PCGF6: variants seen among roughly 807,000 people sequenced by gnomAD.
PCGF6 encodes the protein polycomb group ring finger 6.
Under a neutral mutation model 45.5 loss-of-function variants are expected in PCGF6, and 24 were observed. The ratio of observed to expected loss-of-function variants is 0.53; its 90% CI spans 0.38 to 0.74. PCGF6 has a LOEUF of 0.74. PCGF6 is among the 30% of genes least tolerant of loss of function. The pLI is 0.00. For missense variants in PCGF6, 356 were observed against 443.2 expected, an observed-to-expected ratio of 0.80 and a Z score of 1.77; for synonymous variants, 152 against 162.1, an observed-to-expected ratio of 0.94 and a Z score of 0.47.
At chr10:103,307,052 C>T (rs1428423368) in intron 9 of PCGF6, among the ~76,000 whole-genome samples, 1 of 151,856 alleles carries the variant, frequency 6.6e-6, no homozygotes, top group Non-Finnish European at 1.5e-5. Context: ...TGCAGTGAGC[C>T]AAGATCATGC....
At chr10:103,323,820 G>C (rs2093206525) in intron 8 of PCGF6, among the ~76,000 whole-genome samples, 1 of 152,020 alleles carries the variant, frequency 6.6e-6, no homozygotes, top group Non-Finnish European at 1.5e-5. Context: ...CCTGACCTCA[G>C]GTGATCCACC....
At chr10:103,338,205 C>T (rs183211513) in intron 6 of PCGF6, among the ~76,000 whole-genome samples, 3 of 152,002 alleles carry the variant, frequency 2.0e-5, no homozygotes, top group Admixed American at 2.0e-4. Flanking sequence ...CATGCCACTG[C>T]ACTCCAGCCT....
At chr10:103,322,907 A>G (rs1312314317) in intron 8 of PCGF6, among the ~76,000 whole-genome samples, 1 of 151,976 alleles carries the variant, frequency 6.6e-6, no homozygotes, top group Non-Finnish European at 1.5e-5. Flanking sequence ...AAAAAACAAA[A>G]AAAAAAACAA....
chr10:103,347,154 C>A, intron 5 of PCGF6, 84 bp downstream of exon 5: 1 of 1,051,168 alleles, frequency 9.5e-7, no homozygotes, highest in Non-Finnish European at 1.4e-6. Context: ...ATAAGCTACC[C>A]CCAAAAGGAA....
At chr10:103,347,192 G>A (rs1170138453) in intron 5 of PCGF6, 46 bp downstream of exon 5, 1 of 1,414,642 alleles carries the variant, frequency 7.1e-7, no homozygotes. Context: ...TTTATTGTTA[G>A]TATTCTTTAA....
At chr10:103,340,196 A>ATAT (rs1397610873) in intron 6 of PCGF6, among the ~76,000 whole-genome samples, 345 of 99,736 alleles carry the variant, frequency 3.5e-3, no homozygotes, top group Middle Eastern at 5.6e-3. Context: ...AAAAAAAAAA[A>ATAT]AAATATATAT....
At chr10:103,339,295 C>T (rs752960234) in intron 6 of PCGF6, among the ~76,000 whole-genome samples, 1 of 151,848 alleles carries the variant, frequency 6.6e-6, no homozygotes, top group Non-Finnish European at 1.5e-5. Context: ...GAGGCTGAGG[C>T]GAGAGGATTG....
intron 9 of PCGF6, among the ~76,000 whole-genome samples, chr10:103,310,608 A>G (rs893219700): frequency 3.3e-5 from 5 of 152,212 alleles, no homozygotes; most frequent in African/African-American, 1.2e-4. Context: ...AGAAAAAAAG[A>G]TAATTCTTAT....
At chr10:103,318,652 G>A (rs921223687) in intron 8 of PCGF6, among the ~76,000 whole-genome samples, 2 of 151,660 alleles carry the variant, frequency 1.3e-5, no homozygotes, top group East Asian at 3.9e-4. Context: ...GGCTGAGGCA[G>A]AGAATGGCTT....
intron 6 of PCGF6, among the ~76,000 whole-genome samples, chr10:103,336,493 G>A (rs1301455941): frequency 2.0e-5 from 3 of 152,022 alleles, no homozygotes; most frequent in African/African-American, 7.2e-5. Context: ...AGAATACTTG[G>A]TACATGGGCA....
intron 6 of PCGF6, among the ~76,000 whole-genome samples, chr10:103,336,450 A>C (rs1564732110): frequency 6.6e-6 from 1 of 152,146 alleles, no homozygotes. Flanking sequence ...TTATAAAATA[A>C]AACATCCCAT....
intron 3 of PCGF6, 25 bp downstream of exon 3, chr10:103,348,691 A>C (rs376319280): frequency 4.2e-6 from 6 of 1,428,702 alleles, no homozygotes; most frequent in Non-Finnish European, 5.8e-6. Context: ...TTAAAATACA[A>C]TTGTAATTTA....
chr10:103,315,056 A>G (rs941959161), intron 8 of PCGF6, among the ~76,000 whole-genome samples: 5 of 151,670 alleles, frequency 3.3e-5, no homozygotes, highest in Non-Finnish European at 7.4e-5. Context: ...GGAATATCTC[A>G]TTTTCCAACA....
In PCGF6 at chr10:103,350,939, T is replaced by G. The variant is rs1401351476; in HGVS notation, c.128A>C (p.Glu43Ala). Residue 43 changes from glutamate to alanine, a missense_variant, in exon 1 of 10, where the codon GAG becomes GCG. Physicochemically the swap from Glu to Ala is moderately radical, Grantham distance 107. This residue lies in a region of PCGF6 where 307 missense variants were observed against 350.1 expected (regional missense o/e 0.88). Coordinates refer to ENST00000369847, the MANE Select transcript of PCGF6 (RefSeq NM_001011663.2). ...CGTCTCAGACAGAGGCGCCGGTCCC[T>G]CCTCACCCGCTGCGGGTGCAGGGGT... ...ALTPAPAAGE[E>A]GPAPLSETGA... 2.3e-5 allele frequency: 34 copies of G among 1,497,284 alleles called. No homozygotes were observed. Among genetic ancestry groups the G allele is most frequent in the African/African-American group, 2.9e-5 (2 of 68,748 alleles). 92.7% of individuals were successfully genotyped at this position (1,497,284 alleles called of 1,614,324 possible). A position where few individuals can be genotyped will look rare whatever the true frequency, so the allele number is the denominator to read the frequency against.
chr10:103,337,871 C>T lies in PCGF6; in HGVS notation c.783-3919G>A, dbSNP rs1470022548. Among the ~76,000 whole-genome samples the T allele has an allele frequency of 9.8e-5, 10 of 101,840 alleles. 3 individuals carry two copies. The highest frequency in any genetic ancestry group is 4.1e-4 in the Admixed American group (4 of 9,804). 66.8% of individuals were successfully genotyped at this position (101,840 alleles called of 152,430 possible). A position where few individuals can be genotyped will look rare whatever the true frequency, so the allele number is the denominator to read the frequency against. ...CGAGGTCAGGAGATCGAGACCATCC[C>T]GGCTAAAACGGCGAAACCCCGTCTC... On this transcript the variant is annotated intron_variant, in intron 6 of 9. Transcript: ENST00000369847.
chr10:103,307,558 G>C (rs1356341758), intron 9 of PCGF6, among the ~76,000 whole-genome samples: 2 of 152,188 alleles, frequency 1.3e-5, no homozygotes, highest in African/African-American at 4.8e-5. Flanking sequence ...CAACAGCCCT[G>C]AACTCCCAGG....
intron 6 of PCGF6, among the ~76,000 whole-genome samples, chr10:103,336,997 G>A (rs1003676858): frequency 4.6e-5 from 7 of 152,048 alleles, no homozygotes; most frequent in Admixed American, 4.6e-4. Context: ...CTTTTATTTG[G>A]TAACCCTTTA....
At position 103,314,191 on chromosome 10, in the gene PCGF6, T is replaced by C. The variant is rs765641622; in HGVS notation, c.991A>G (p.Met331Val). 10 of 1,596,270 alleles carry C rather than the reference T, an allele frequency of 6.3e-6. No individual in the cohort carries two copies. The highest frequency in any genetic ancestry group is 1.7e-4 in the Middle Eastern group (1 of 6,024). Residue 331 changes from methionine to valine, a missense_variant, in exon 9 of 10, where the codon ATG (methionine) becomes GTG (valine). Around this residue, in one of 2 missense-constraint regions of PCGF6, gnomAD observed 49 missense variants for 93.0 expected, o/e 0.53. Transcript: ENST00000369847. ...EIRRAIGDAA[M>V]QDGLLVLHYG... is the part of the protein sequence containing the mutation. ...TGGGTATGTCTATAACCTACCTGCATTGCTGCATCACCTATTGCACGTCGG... is the reference window on the plus strand; with the variant it reads ...TGGGTATGTCTATAACCTACCTGCACTGCTGCATCACCTATTGCACGTCGG...
At chr10:103,335,184 A>C (rs937634458) in intron 6 of PCGF6, among the ~76,000 whole-genome samples, 5 of 150,354 alleles carry the variant, frequency 3.3e-5, no homozygotes, top group African/African-American at 9.8e-5. Flanking sequence ...AGCAGCTGGG[A>C]GTACAGATAT....
Sources: allele counts gnomAD v4.1 joint callset (sites outside exome capture counted in the v4.1 genomes callset), GRCh38; gene constraint gnomAD v4.1.1; regional missense constraint gnomAD v4.1.1; transcripts MANE v1.5; gene names NCBI Gene and HGNC (gene_info 2026-07-23, HGNC 2026-07-21).